Variants in ELP6 observed in about 807,000 individuals in gnomAD.
ELP6 encodes the protein elongator complex protein 6.
ELP6 carries 23 observed loss-of-function variants against 28.1 expected under a neutral mutation model. The ratio of observed to expected loss-of-function variants is 0.82; its 90% CI spans 0.59 to 1.16. ELP6 has a LOEUF of 1.16. Among genes scored for constraint, ELP6 ranks in the 50% most tolerant of loss-of-function variants. The pLI, the probability that ELP6 is intolerant of heterozygous loss-of-function variation, is 0.00. For missense variants in ELP6, 313 were observed against 334.6 expected, an observed-to-expected ratio of 0.94 and a Z score of 0.50; for synonymous variants, 132 against 135.8, an observed-to-expected ratio of 0.97 and a Z score of 0.19.
At chr3:47,512,946 C>T in intron 1 of ELP6, 1 of 986,002 alleles carries the variant, frequency 1.0e-6, no homozygotes, top group South Asian at 4.6e-5. Flanking sequence ...CAGTTCACGT[C>T]CGCGAATATA....
At chr3:47,511,535 C>A in intron 1 of ELP6, 1 of 948,158 alleles carries the variant, frequency 1.1e-6, no homozygotes, top group Non-Finnish European at 1.3e-6. Context: ...AGGAACCAGT[C>A]TTAGGAAGAA....
At chr3:47,506,035 A>G (rs1708826260) in intron 3 of ELP6, among the ~76,000 whole-genome samples, 1 of 152,194 alleles carries the variant, frequency 6.6e-6, no homozygotes, top group Non-Finnish European at 1.5e-5. Flanking sequence ...TGAGAAATAA[A>G]GGGACAGAGT....
At position 47,513,671 on chromosome 3, in the gene ELP6, C is replaced by G. The variant is rs1392407235; in HGVS notation, c.-81G>C. 1 of 1,564,218 alleles carries G rather than the reference C, an allele frequency of 6.4e-7. No homozygotes were observed. The highest frequency in any genetic ancestry group is 2.3e-5 in the East Asian group (1 of 42,964). On this transcript the variant is annotated 5_prime_UTR_variant, in exon 1 of 7. Coordinates refer to ENST00000296149, the MANE Select transcript of ELP6 (RefSeq NM_001031703.3). ...CGGAGGCTGGAGAGCAAAACACACC[C>G]GACAGCCCGGCTCGCGCAAGGAAGC... is the stretch of plus-strand genomic sequence containing the variant.
chr3:47,499,450 C>G (rs1420553891), intron 5 of ELP6, among the ~76,000 whole-genome samples: 1 of 148,748 alleles, frequency 6.7e-6, no homozygotes, highest in Non-Finnish European at 1.5e-5. Context: ...ACCCAGGAGG[C>G]AGATGTTGCA....
intron 3 of ELP6, chr3:47,504,792 CA>C: frequency 5.6e-5 from 16 of 285,070 alleles, no homozygotes; most frequent in South Asian, 1.3e-4. Context: ...CTCGTCTCTA[CA>C]AAAAAAATTT....
chr3:47,513,124 G>A, intron 1 of ELP6: 17 of 852,162 alleles, frequency 2.0e-5, no homozygotes, highest in Non-Finnish European at 2.4e-5. Context: ...CCGAGTAGCT[G>A]AGATTACAGG....
At chr3:47,499,988 C>G in intron 5 of ELP6, 1 of 1,338,702 alleles carries the variant, frequency 7.5e-7, no homozygotes, top group South Asian at 1.2e-5. Context: ...GCTGCTGCTT[C>G]AGACACACTG....
At chr3:47,512,645 TGAG>T in intron 1 of ELP6, 1 of 985,354 alleles carries the variant, frequency 1.0e-6, no homozygotes, top group Non-Finnish European at 1.2e-6. Flanking sequence ...CCCCGGAGTG[TGAG>T]GAGGGTGGAG....
intron 4 of ELP6, chr3:47,502,238 C>A (rs1445143338): frequency 4.7e-6 from 1 of 212,528 alleles, no homozygotes; most frequent in East Asian, 1.9e-4. Flanking sequence ...GGTGAAACCC[C>A]GTCTCTACTA....
intron 5 of ELP6, among the ~76,000 whole-genome samples, chr3:47,500,587 G>A (rs2108080255): frequency 6.6e-6 from 1 of 152,174 alleles, no homozygotes; most frequent in East Asian, 1.9e-4. Flanking sequence ...CAAAAAGAGG[G>A]TGGTAGCAGG....
chr3:47,496,271 T>C lies in ELP6; in HGVS notation c.673-74A>G, dbSNP rs59516834. ...CTCCACTGGGAACCCCACCCTACCT[T>C]CTCTGTGCCCTTCAGCTGAGGCCTC... On this transcript the variant is annotated intron_variant, in intron 6 of 6. Coordinates refer to ENST00000296149, the MANE Select transcript of ELP6 (RefSeq NM_001031703.3). The C allele has an allele frequency of 2.1e-5, 33 of 1,551,294 alleles. No individual in the cohort carries two copies. The African/African-American group carries it at 4.3e-4, about 20-fold the overall frequency.
intron 6 of ELP6, chr3:47,496,928 A>G: frequency 1.0e-6 from 1 of 985,420 alleles, no homozygotes; most frequent in Non-Finnish European, 1.2e-6. Flanking sequence ...ACTGCTGACT[A>G]CAATGCTCTG....
intron 6 of ELP6, 122 bp downstream of exon 6, chr3:47,498,163 GT>G: frequency 7.0e-7 from 1 of 1,434,832 alleles, no homozygotes; most frequent in Non-Finnish European, 9.4e-7. Context: ...AATTTCCAGT[GT>G]TTCCCTTCCA....
intron 3 of ELP6, among the ~76,000 whole-genome samples, chr3:47,505,548 G>A (rs1030335953): frequency 2.0e-5 from 3 of 151,976 alleles, no homozygotes; most frequent in Non-Finnish European, 4.4e-5. Context: ...GGGATTACAG[G>A]TATGCACCAC....
Position 47,511,819 on chromosome 3 carries a change from C to G in ELP6, c.55-593G>C. 5.1e-6 allele frequency: 5 copies of G among 985,956 alleles called. No homozygotes were observed. In the South Asian group the frequency reaches 2.3e-4, roughly 46 times the overall value. 61.1% of individuals were successfully genotyped at this position (985,956 alleles called of 1,614,324 possible). On this transcript the variant is annotated intron_variant, in intron 1 of 6. Transcript: ENST00000296149. ...GTCTCTGCAGAGCCTGACTGTCCTGCTCCATTCACCTCTATTTCTGTCAGT... is the reference window on the plus strand; with the variant it reads ...GTCTCTGCAGAGCCTGACTGTCCTGGTCCATTCACCTCTATTTCTGTCAGT...
chr3:47,510,283 A>C, intron 2 of ELP6, 29 bp from the exon 3 acceptor site: 1 of 1,593,904 alleles, frequency 6.3e-7, no homozygotes, highest in Non-Finnish European at 8.6e-7. Context: ...ATTTTAAATA[A>C]ATCCTCTGGT....
chr3:47,496,957 G>A, intron 6 of ELP6: 1 of 985,418 alleles, frequency 1.0e-6, no homozygotes, highest in Non-Finnish European at 1.2e-6. Context: ...GCTGAAGAGA[G>A]GCCACAGCTG....
At chr3:47,499,832 G>A in intron 5 of ELP6, 1 of 1,160,746 alleles carries the variant, frequency 8.6e-7, no homozygotes, top group South Asian at 1.8e-5. Context: ...CAGCTGGACT[G>A]CTGCCACAGA....
rs538674242 is a variant in ELP6 at position 47,513,320 on chromosome 3, C to T, written c.54+217G>A. 4 of 1,377,790 alleles carry T rather than the reference C, an allele frequency of 2.9e-6. No individual in the cohort carries two copies. In the African/African-American group the frequency reaches 6.0e-5, roughly 21 times the overall value. 85.3% of individuals were successfully genotyped at this position (1,377,790 alleles called of 1,614,324 possible). ...TCCCAGGGACTTTTAAGGACACGCA[C>T]AGCCGTTGAGAATATGCGAGATGGC... is the stretch of plus-strand genomic sequence containing the variant. On this transcript the variant is annotated intron_variant, in intron 1 of 6. Transcript: ENST00000296149.
Sources: allele counts gnomAD v4.1 joint callset (sites outside exome capture counted in the v4.1 genomes callset), GRCh38; gene constraint gnomAD v4.1.1; transcripts MANE v1.5; gene names NCBI Gene and HGNC (gene_info 2026-07-23, HGNC 2026-07-21).